Variants in PCDH15 observed in about 807,000 individuals in gnomAD.
PCDH15 encodes protocadherin-15.
A neutral mutation model predicts 178.5 loss-of-function variants in PCDH15; 129 were observed. The ratio of observed to expected loss-of-function variants is 0.72; its 90% CI spans 0.63 to 0.84. The LOEUF is 0.84. Ranked by LOEUF, PCDH15 falls within the 40% of genes least tolerant of loss-of-function variation. The pLI, the probability that PCDH15 is intolerant of heterozygous loss-of-function variation, is 0.00. For synonymous variants in PCDH15, 800 were observed against 732.0 expected (o/e 1.09, Z -1.50); for missense variants, 2,230 against 2,099.9 (o/e 1.06, Z -1.21).
intron 7 of PCDH15, among the ~76,000 whole-genome samples, chr10:54,322,027 A>T (rs553582659): frequency 6.6e-6 from 1 of 152,114 alleles, no homozygotes; most frequent in East Asian, 1.9e-4. Context: ...TTGGAATCAG[A>T]TTTGATCTTA....
chr10:53,995,469 A>ATAGT, intron 21 of PCDH15, 180 bp downstream of exon 21: 1 of 1,093,434 alleles, frequency 9.1e-7, no homozygotes, highest in Non-Finnish European at 1.3e-6. Context: ...AGGTTCAATA[A>ATAGT]TAGTCATCTG....
chr10:54,372,049 G>A (rs1947753934), intron 4 of PCDH15, among the ~76,000 whole-genome samples: 1 of 151,942 alleles, frequency 6.6e-6, no homozygotes, highest in Admixed American at 6.6e-5. Context: ...GCTTTCAAGT[G>A]TGTAATAGAC....
intron 26 of PCDH15, among the ~76,000 whole-genome samples, chr10:53,901,599 G>A (rs958192337): frequency 2.6e-5 from 4 of 152,150 alleles, no homozygotes; most frequent in African/African-American, 9.7e-5. Flanking sequence ...TGTCATAACT[G>A]TTTAAATCAT....
chr10:54,643,421 TTAA>T (rs2094041004), intron 2 of PCDH15, among the ~76,000 whole-genome samples: 2 of 152,332 alleles, frequency 1.3e-5, no homozygotes, highest in African/African-American at 2.4e-5. Flanking sequence ...ATAATGAAAG[TTAA>T]TAATAGAATC....
intron 1 of PCDH15, among the ~76,000 whole-genome samples, chr10:54,688,040 A>C (rs994095407): frequency 2.6e-5 from 4 of 152,104 alleles, no homozygotes; most frequent in Non-Finnish European, 4.4e-5. Flanking sequence ...CATTCTAACC[A>C]CAATAAAATA....
chr10:55,536,927 T>C (rs910683639), intron 2 of PCDH15, among the ~76,000 whole-genome samples: 1 of 152,154 alleles, frequency 6.6e-6, no homozygotes, highest in Non-Finnish European at 1.5e-5. Context: ...TCCTCCCTCA[T>C]TGTCATTAGG....
Position 54,174,953 on chromosome 10 carries a change from G to A in PCDH15, c.1590+8491C>T, listed in dbSNP as rs1191426920. On this transcript the variant is annotated intron_variant, in intron 13 of 37. Coordinates refer to ENST00000644397, the MANE Select transcript of PCDH15 (RefSeq NM_001384140.1). Reference sequence around the variant, plus strand: ...TATAAGTTCAGAATTACATGTTGGTGTATATATTTCAATTCTAATACAAAT... The same window carrying A: ...TATAAGTTCAGAATTACATGTTGGTATATATATTTCAATTCTAATACAAAT... Among the ~76,000 whole-genome samples, 4 of 152,038 alleles carry A rather than the reference G, an allele frequency of 2.6e-5. No individual in the cohort carries two copies. The Middle Eastern group carries it at 0.01, about 391-fold the overall frequency.
At position 54,138,298 on chromosome 10, in the gene PCDH15, G is replaced by T. The variant is rs193020624; in HGVS notation, c.1785-5291C>A. Among the ~76,000 whole-genome samples the T allele has an allele frequency of 3.0e-4, 46 of 152,056 alleles. No individual in the cohort carries two copies. In the East Asian group the frequency reaches 8.8e-3, roughly 29 times the overall value. On this transcript the variant is annotated intron_variant, in intron 14 of 37. Transcript: ENST00000644397. ...TATCTTTTGTGGGACTAGACAGTGG[G>T]ATTGGCTCCTCTCAATTTGAGAAAT...
chr10:54,643,402 T>C (rs955917506), intron 2 of PCDH15, among the ~76,000 whole-genome samples: 1 of 152,248 alleles, frequency 6.6e-6, no homozygotes, highest in Non-Finnish European at 1.5e-5. Flanking sequence ...GTTTTCTTCC[T>C]ACTTGCATAT....
chr10:54,717,716 A>G lies in PCDH15; in HGVS notation c.-28-53426T>C, dbSNP rs984245780. ...AAGTCAGTGTGGCGATTCCTCAGGG[A>G]TCTAGAACTGGAAATACCATTTGAC... On this transcript the variant is annotated intron_variant, in intron 1 of 37. Coordinates refer to ENST00000644397, the MANE Select transcript of PCDH15 (RefSeq NM_001384140.1). Among the ~76,000 whole-genome samples, 5 of 139,932 alleles carry G rather than the reference A, an allele frequency of 3.6e-5. 1 individual carries two copies. The highest frequency in any genetic ancestry group is 7.7e-5 in the Non-Finnish European group (5 of 64,814). The allele number at this position is 139,932 out of a possible 152,430, so 91.8% of individuals were successfully genotyped here. A position where few individuals can be genotyped will look rare whatever the true frequency, so the allele number is the denominator to read the frequency against.
At chr10:54,079,550 T>A in intron 16 of PCDH15, 126 bp from the exon 17 acceptor site, 2 of 863,112 alleles carry the variant, frequency 2.3e-6, no homozygotes, top group Non-Finnish European at 4.0e-6. Context: ...GCTTGAGTAT[T>A]TTAGATGTAT....
intron 2 of PCDH15, among the ~76,000 whole-genome samples, chr10:55,117,486 T>G (rs1188605417): frequency 1.3e-5 from 2 of 152,170 alleles, no homozygotes; most frequent in Non-Finnish European, 2.9e-5. Flanking sequence ...CTTGAGGTAT[T>G]ACTTCCTAGG....
intron 18 of PCDH15, among the ~76,000 whole-genome samples, chr10:54,049,629 T>C (rs1044185228): frequency 3.9e-5 from 6 of 152,046 alleles, no homozygotes; most frequent in African/African-American, 1.4e-4. Flanking sequence ...TGATGATTTT[T>C]TTTTTTTTTG....
chr10:54,185,023 C>T, intron 12 of PCDH15, 111 bp downstream of exon 12: 5 of 1,276,906 alleles, frequency 3.9e-6, no homozygotes, highest in Non-Finnish European at 5.6e-6. Context: ...TGTATTTTTC[C>T]CCCAAGTCAT....
At chr10:54,246,851 C>A (rs77121591) in intron 8 of PCDH15, among the ~76,000 whole-genome samples, 1 of 151,924 alleles carries the variant, frequency 6.6e-6, no homozygotes, top group East Asian at 1.9e-4. Flanking sequence ...TTAGCAAAGC[C>A]AGTGAATATG....
intron 3 of PCDH15, among the ~76,000 whole-genome samples, chr10:54,501,395 G>T (rs1290252604): frequency 6.6e-6 from 1 of 152,006 alleles, no homozygotes; most frequent in Non-Finnish European, 1.5e-5. Context: ...CTCTAATTTG[G>T]CATAAACAGT....
intron 26 of PCDH15, among the ~76,000 whole-genome samples, chr10:53,892,512 C>A (rs7896185): frequency 0.66 from 99,605 of 151,622 alleles, 33,580 homozygotes; most frequent in East Asian, 0.87. Context: ...CAATAACAAA[C>A]AAACTGATTT....
intron 7 of PCDH15, 44 bp from the exon 8 acceptor site, chr10:54,317,485 G>C (rs1460747479): frequency 6.2e-7 from 1 of 1,606,392 alleles, no homozygotes; most frequent in Middle Eastern, 1.7e-4. Flanking sequence ...ATAGAAATTA[G>C]GCACAATAGC....
chr10:54,286,704 C>T (rs2059049720), intron 8 of PCDH15, among the ~76,000 whole-genome samples: 1 of 152,146 alleles, frequency 6.6e-6, no homozygotes, highest in Non-Finnish European at 1.5e-5. Context: ...CAGCTCACTG[C>T]AACCTCCGCC....
Sources: gnomAD v4.1 joint callset for allele counts (sites outside exome capture counted in the v4.1 genomes callset) on GRCh38, gnomAD v4.1.1 for gene constraint, MANE v1.5 for transcripts, NCBI Gene and HGNC (gene_info 2026-07-23, HGNC 2026-07-21) for gene names.